AKAP8: variants seen among roughly 807,000 people sequenced by gnomAD.
AKAP8 encodes the protein A-kinase anchoring protein 8, also known as A-kinase anchor protein 8.
AKAP8 carries 24 observed loss-of-function variants against 67.5 expected under a neutral mutation model. The ratio of observed to expected loss-of-function variants is 0.36; its 90% CI spans 0.26 to 0.50. AKAP8 has a LOEUF of 0.50. Among genes scored for constraint, AKAP8 ranks in the 20% least tolerant of loss-of-function variants. The pLI is 0.97. For missense variants in AKAP8, 971 were observed against 955.9 expected, an observed-to-expected ratio of 1.02 and a Z score of -0.21; for synonymous variants, 400 against 371.1, an observed-to-expected ratio of 1.08 and a Z score of -0.90.
intron 11 of AKAP8, 76 bp downstream of exon 11, chr19:15,361,653 C>T (rs1330955174): frequency 6.5e-6 from 9 of 1,379,228 alleles, no homozygotes; most frequent in Admixed American, 1.7e-5. Flanking sequence ...TGCCCGGCCT[C>T]GTGCCACGTT....
intron 7 of AKAP8, among the ~76,000 whole-genome samples, chr19:15,371,091 G>C (rs1442442021): frequency 6.6e-6 from 1 of 152,176 alleles, no homozygotes; most frequent in Non-Finnish European, 1.5e-5. Context: ...TAGGGATCAA[G>C]TGAGACTCTG....
rs185900351 is a variant in AKAP8 at position 15,358,826 on chromosome 19, A to G, written c.1623+141T>C. 3.6e-5 allele frequency: 27 copies of G among 753,390 alleles called. No homozygotes were observed. The Admixed American group carries it at 4.9e-4, about 14-fold the overall frequency. The allele number at this position is 753,390 out of a possible 1,614,324, so 46.7% of individuals were successfully genotyped here. A position where few individuals can be genotyped will look rare whatever the true frequency, so the allele number is the denominator to read the frequency against. On this transcript the variant is annotated intron_variant, in intron 13 of 13. Transcript: ENST00000269701. ...AGAAATCCCAGTTGTCATGTTCCTGAGCTTGATGCATTCCAGTGTCCCTCA... is the reference window on the plus strand; with the variant it reads ...AGAAATCCCAGTTGTCATGTTCCTGGGCTTGATGCATTCCAGTGTCCCTCA...
chr19:15,377,760 G>A (rs1300111967), intron 1 of AKAP8, among the ~76,000 whole-genome samples: 1 of 152,050 alleles, frequency 6.6e-6, no homozygotes, highest in African/African-American at 2.4e-5. Context: ...GAGTCACCGC[G>A]CCAGGCCCTT....
intron 13 of AKAP8, 21 bp from the exon 14 acceptor site, chr19:15,355,391 G>C (rs757266360): frequency 1.3e-6 from 2 of 1,597,900 alleles, no homozygotes; most frequent in Admixed American, 3.4e-5. Context: ...AGGAAACACC[G>C]GTCAGCGTGG....
At chr19:15,361,936 G>A in intron 10 of AKAP8, 114 bp from the exon 11 acceptor site, 3 of 1,344,310 alleles carry the variant, frequency 2.2e-6, no homozygotes, top group Non-Finnish European at 3.1e-6. Flanking sequence ...GGGCAGCACA[G>A]CACGATGGCT....
In AKAP8 at chr19:15,354,588, C is replaced by A; in HGVS notation, c.*327G>T. 4 of 284,588 alleles carry A rather than the reference C, an allele frequency of 1.4e-5. No homozygotes were observed. The highest frequency in any genetic ancestry group is 2.2e-5 in the African/African-American group (1 of 46,036). 17.6% of individuals were successfully genotyped at this position (284,588 alleles called of 1,614,324 possible). A position where few individuals can be genotyped will look rare whatever the true frequency, so the allele number is the denominator to read the frequency against. ...TTAAGGAAAAAAATAAAAAAGGAAGCATTCCATCAGTGGCTGTATTGAACA... is the reference window on the plus strand; with the variant it reads ...TTAAGGAAAAAAATAAAAAAGGAAGAATTCCATCAGTGGCTGTATTGAACA... On this transcript the variant is annotated 3_prime_UTR_variant, in exon 14 of 14. Transcript: ENST00000269701.
chr19:15,366,376 T>C (rs1967070755), intron 9 of AKAP8, among the ~76,000 whole-genome samples: 1 of 152,084 alleles, frequency 6.6e-6, no homozygotes, highest in African/African-American at 2.4e-5. Context: ...ATCTACTCTA[T>C]CCATTTATCT....
Position 15,358,762 on chromosome 19 carries a change from G to C in AKAP8, c.1623+205C>G, listed in dbSNP as rs556968238. ...ATTACGCACTGATTAATCAAGCAGC[G>C]CCACATCCCCAGAGTCCCCAGGCAA... On this transcript the variant is annotated intron_variant, in intron 13 of 13. Transcript: ENST00000269701. Among the ~76,000 whole-genome samples, 125 of 152,208 alleles carry C rather than the reference G, an allele frequency of 8.2e-4. 1 individual carries two copies. Among genetic ancestry groups the C allele is most frequent in the African/African-American group, 2.3e-3 (97 of 41,526 alleles).
intron 13 of AKAP8, among the ~76,000 whole-genome samples, chr19:15,358,685 T>C (rs1470262229): frequency 6.6e-6 from 1 of 152,088 alleles, no homozygotes; most frequent in Non-Finnish European, 1.5e-5. Context: ...CTAACCATCA[T>C]TTGCTCAGAA....
intron 5 of AKAP8, 29 bp downstream of exon 5, chr19:15,372,822 C>T (rs749633337): frequency 3.0e-5 from 44 of 1,478,940 alleles, no homozygotes; most frequent in Non-Finnish European, 3.5e-5. Flanking sequence ...GAAGCGAAGG[C>T]GGCCGGAAGG....
chr19:15,370,000 C>T lies in AKAP8; in HGVS notation c.1072+146G>A. ...CAAAGTGTTGGCTGATCGCCACGGTCAAGGCCCATCTGGTGGCTGCAGCCC... is the reference window on the plus strand; with the variant it reads ...CAAAGTGTTGGCTGATCGCCACGGTTAAGGCCCATCTGGTGGCTGCAGCCC... On this transcript the variant is annotated intron_variant, in intron 8 of 13. Transcript: ENST00000269701. This position sits in a 1 kb window ranked among gnomAD's most constrained non-coding sequence, Gnocchi z 4.6. 1 of 940,624 alleles carries T rather than the reference C, an allele frequency of 1.1e-6. No homozygotes were observed. Among genetic ancestry groups the T allele is most frequent in the South Asian group, 1.4e-5 (1 of 72,668 alleles). The allele number at this position is 940,624 out of a possible 1,614,324, so 58.3% of individuals were successfully genotyped here. A position where few individuals can be genotyped will look rare whatever the true frequency, so the allele number is the denominator to read the frequency against.
intron 2 of AKAP8, among the ~76,000 whole-genome samples, 159 bp downstream of exon 2, chr19:15,376,817 A>T (rs1415122314): frequency 6.6e-6 from 1 of 152,158 alleles, no homozygotes; most frequent in African/African-American, 2.4e-5. Context: ...GAGACTGTGG[A>T]GCCCATAAAG....
In AKAP8 at chr19:15,354,093, C is replaced by T. The variant is rs1326752647; in HGVS notation, c.*822G>A. The T allele has an allele frequency of 6.6e-6, 1 of 151,894 alleles. No individual in the cohort carries two copies. The highest frequency in any genetic ancestry group is 1.5e-5 in the Non-Finnish European group (1 of 68,026). 9.4% of individuals were successfully genotyped at this position (151,894 alleles called of 1,614,324 possible). ...TGAACTCCTGGGCTTAAGCTATCCT[C>T]TCACCACGGCCTCCCGAAGTGCTGG... On this transcript the variant is annotated 3_prime_UTR_variant, in exon 14 of 14. Coordinates refer to ENST00000269701, the MANE Select transcript of AKAP8 (RefSeq NM_005858.4).
intron 1 of AKAP8, 108 bp downstream of exon 1, chr19:15,379,605 G>C: frequency 2.2e-6 from 3 of 1,362,640 alleles, no homozygotes; most frequent in Non-Finnish European, 3.0e-6. Context: ...GCCCAGCTGG[G>C]GCAACCACGC....
At chr19:15,373,555 G>GA (rs1967199322) in intron 4 of AKAP8, among the ~76,000 whole-genome samples, 3 of 152,078 alleles carry the variant, frequency 2.0e-5, no homozygotes, top group African/African-American at 7.2e-5. Context: ...GCATGATGTA[G>GA]AAAAAAGGAG....
chr19:15,374,298 C>A (rs1197472512), intron 3 of AKAP8, among the ~76,000 whole-genome samples: 3 of 152,180 alleles, frequency 2.0e-5, no homozygotes, highest in Non-Finnish European at 4.4e-5. Flanking sequence ...GACGCTAGGA[C>A]CTGTTCCCCA....
intron 7 of AKAP8, among the ~76,000 whole-genome samples, chr19:15,371,195 C>G (rs1274749060): frequency 1.3e-5 from 2 of 151,588 alleles, no homozygotes; most frequent in African/African-American, 2.4e-5. Context: ...GACCTCCAGG[C>G]CCTACACCTC....
intron 13 of AKAP8, among the ~76,000 whole-genome samples, chr19:15,355,877 C>T (rs1047389551): frequency 7.2e-5 from 11 of 152,136 alleles, no homozygotes; most frequent in Admixed American, 6.5e-4. Context: ...GCTGGGATTA[C>T]AGGCAGGAGC....
intron 10 of AKAP8, 142 bp from the exon 11 acceptor site, chr19:15,361,964 C>A: frequency 7.3e-7 from 1 of 1,374,208 alleles, no homozygotes; most frequent in Non-Finnish European, 9.9e-7. Context: ...CCGGTTGTCC[C>A]TGTGACTCAG....
Sources: allele counts gnomAD v4.1 joint callset (sites outside exome capture counted in the v4.1 genomes callset), GRCh38; gene constraint gnomAD v4.1.1; non-coding constraint Gnocchi (gnomAD v3.1); transcripts MANE v1.5; gene names NCBI Gene and HGNC (gene_info 2026-07-23, HGNC 2026-07-21).